PRKAR2A: variants seen among roughly 807,000 people sequenced by gnomAD.
PRKAR2A encodes cAMP-dependent protein kinase type II-alpha regulatory subunit.
In PRKAR2A, 29 loss-of-function variants were observed where a neutral mutation model predicts 51.9. That is an observed-to-expected ratio of 0.56 (90% CI 0.42 to 0.76). The LOEUF (loss-of-function observed/expected upper bound fraction) is 0.76. PRKAR2A is among the 30% of genes least tolerant of loss of function. The probability of loss-of-function intolerance (pLI) is 0.00; values close to 1 mark genes in which losing one functional copy is unlikely to be tolerated. For synonymous variants in PRKAR2A, 178 were observed against 186.2 expected (o/e 0.96, Z 0.36); for missense variants, 445 against 512.1 (o/e 0.87, Z 1.26).
intron 2 of PRKAR2A, among the ~76,000 whole-genome samples, chr3:48,801,929 GAC>G (rs2082596920): frequency 6.6e-6 from 1 of 151,794 alleles, no homozygotes; most frequent in African/African-American, 2.4e-5. Context: ...ATTTTTTTGA[GAC>G]AGAGTTTCAC....
chr3:48,759,583 C>G (rs2081832801), intron 8 of PRKAR2A, among the ~76,000 whole-genome samples: 1 of 152,116 alleles, frequency 6.6e-6, no homozygotes, highest in African/African-American at 2.4e-5. Flanking sequence ...GACAGGGTTT[C>G]TCCATGTTGG....
chr3:48,843,541 CA>C, intron 1 of PRKAR2A, among the ~76,000 whole-genome samples: 1 of 152,124 alleles, frequency 6.6e-6, no homozygotes, highest in East Asian at 1.9e-4. Context: ...AATCCTAAGC[CA>C]AAAGAACAAA....
chr3:48,805,721 G>A (rs543734106), intron 2 of PRKAR2A, among the ~76,000 whole-genome samples: 9 of 152,148 alleles, frequency 5.9e-5, no homozygotes, highest in Non-Finnish European at 1.2e-4. Flanking sequence ...CTTAAAAAAT[G>A]TTACGTATTA....
At chr3:48,758,799 A>G (rs1387273535) in intron 8 of PRKAR2A, among the ~76,000 whole-genome samples, 1 of 152,144 alleles carries the variant, frequency 6.6e-6, no homozygotes, top group African/African-American at 2.4e-5. Context: ...AAAGAAGTCT[A>G]AGAAAGTAGG....
Position 48,790,578 on chromosome 3 carries a change from C to A in PRKAR2A, c.401G>T (p.Cys134Phe). Residue 134 changes from cysteine (C) to phenylalanine (F), a missense_variant, in exon 4 of 11, where the codon TGC becomes TTC. Physicochemically the swap from Cys to Phe is radical, Grantham distance 205. Transcript: ENST00000265563. ...ATTTTTGAAAAGGAGAATATCTTTG[C>A]AAGCTTCCTGAAGTCTGCATCTCTG... ...DEQRCRLQEA[C>F]KDILLFKNLD... is the part of the protein sequence containing the mutation. 6.5e-7 allele frequency: 1 copy of A among 1,545,838 alleles called. No homozygotes were observed. Among genetic ancestry groups the A allele is most frequent in the Non-Finnish European group, 8.7e-7 (1 of 1,148,820 alleles).
At chr3:48,841,781 T>C (rs1426703549) in intron 1 of PRKAR2A, among the ~76,000 whole-genome samples, 3 of 152,182 alleles carry the variant, frequency 2.0e-5, no homozygotes, top group Non-Finnish European at 4.4e-5. Flanking sequence ...TATCTCATTG[T>C]ATGCAATGTA....
chr3:48,790,632 C>T lies in PRKAR2A; in HGVS notation c.352-5G>A, dbSNP rs1318125728. On this transcript the variant is annotated splice_polypyrimidine_tract_variant and splice_region_variant and intron_variant, in intron 3 of 10. Transcript: ENST00000265563. ...ATCAGTTTTAGGATGAATCACCTGC[C>T]AATCCAAATAAAACCATGGAAACTG... 1.4e-6 allele frequency: 2 copies of T among 1,438,266 alleles called. No homozygotes were observed. The highest frequency in any genetic ancestry group is 1.6e-5 in the South Asian group (1 of 61,264). The allele number at this position is 1,438,266 out of a possible 1,614,324, so 89.1% of individuals were successfully genotyped here.
chr3:48,765,116 T>C (rs780886411), intron 7 of PRKAR2A, 38 bp from the exon 8 acceptor site: 1 of 1,594,942 alleles, frequency 6.3e-7, no homozygotes, highest in African/African-American at 1.3e-5. Context: ...GAAAAGACCT[T>C]AATTGAAAGT....
At chr3:48,794,626 C>T (rs945536302) in intron 2 of PRKAR2A, among the ~76,000 whole-genome samples, 1 of 151,598 alleles carries the variant, frequency 6.6e-6, no homozygotes, top group East Asian at 2.0e-4. Flanking sequence ...ACTTGGGAGA[C>T]GGAGGTTGCA....
chr3:48,766,753 G>A (rs913778762), intron 6 of PRKAR2A, among the ~76,000 whole-genome samples: 30 of 152,228 alleles, frequency 2.0e-4, no homozygotes, highest in African/African-American at 7.2e-4. Context: ...TGAAAGAGAG[G>A]TAGGATTTAA....
intron 1 of PRKAR2A, among the ~76,000 whole-genome samples, chr3:48,807,913 T>C (rs1180090194): frequency 1.3e-5 from 2 of 152,246 alleles, no homozygotes; most frequent in East Asian, 3.8e-4. Flanking sequence ...TTCAATATAT[T>C]CAACCTGGCA....
chr3:48,840,068 T>C (rs1482581858), intron 1 of PRKAR2A, among the ~76,000 whole-genome samples: 1 of 152,212 alleles, frequency 6.6e-6, no homozygotes, highest in Non-Finnish European at 1.5e-5. Context: ...CTACTTTCTG[T>C]CCCTATGAAT....
At chr3:48,824,542 TAAGAA>T (rs1283210892) in intron 1 of PRKAR2A, among the ~76,000 whole-genome samples, 1 of 123,866 alleles carries the variant, frequency 8.1e-6, no homozygotes, top group African/African-American at 3.0e-5. Flanking sequence ...TCCAAAATCA[TAAGAA>T]AGAAAGAAAG....
intron 1 of PRKAR2A, among the ~76,000 whole-genome samples, chr3:48,828,100 A>C (rs1046699703): frequency 3.9e-5 from 6 of 152,198 alleles, no homozygotes; most frequent in African/African-American, 1.4e-4. Flanking sequence ...TCCTGAGCTC[A>C]GGCGATCCAC....
At chr3:48,840,439 G>A (rs924593807) in intron 1 of PRKAR2A, among the ~76,000 whole-genome samples, 3 of 151,846 alleles carry the variant, frequency 2.0e-5, no homozygotes, top group Non-Finnish European at 2.9e-5. Context: ...AGGTTGCAGT[G>A]AGCAGGATCG....
chr3:48,780,957 A>G (rs1377162064), intron 5 of PRKAR2A, among the ~76,000 whole-genome samples: 4 of 152,014 alleles, frequency 2.6e-5, no homozygotes, highest in African/African-American at 7.2e-5. Context: ...TATATGTGCA[A>G]CTTAAAACAA....
intron 8 of PRKAR2A, among the ~76,000 whole-genome samples, chr3:48,758,700 T>C (rs1160377774): frequency 2.0e-5 from 3 of 151,880 alleles, no homozygotes; most frequent in Non-Finnish European, 2.9e-5. Flanking sequence ...GGAGCTCATA[T>C]AGAATAGAAG....
chr3:48,756,599 C>G (rs780234570), intron 8 of PRKAR2A, among the ~76,000 whole-genome samples, 155 bp from the exon 9 acceptor site: 1 of 152,094 alleles, frequency 6.6e-6, no homozygotes, highest in Non-Finnish European at 1.5e-5. Flanking sequence ...GGCAATGAGA[C>G]CTTGCCTCTT....
chr3:48,828,233 G>A (rs962155104), intron 1 of PRKAR2A, among the ~76,000 whole-genome samples: 7 of 151,944 alleles, frequency 4.6e-5, no homozygotes, highest in African/African-American at 1.7e-4. Context: ...ATGTTGCACA[G>A]GCTAGAGTGT....
Sources: gnomAD v4.1 joint callset for allele counts (sites outside exome capture counted in the v4.1 genomes callset) on GRCh38, gnomAD v4.1.1 for gene constraint, MANE v1.5 for transcripts, NCBI Gene and HGNC (gene_info 2026-07-23, HGNC 2026-07-21) for gene names.